The following BPIFB2 variants were observed in gnomAD, a reference collection of about 807,000 sequenced individuals.
BPIFB2 encodes the protein BPI fold-containing family B member 2.
Under a neutral mutation model 50.1 loss-of-function variants are expected in BPIFB2, and 39 were observed. The ratio of observed to expected loss-of-function variants is 0.78; its 90% CI spans 0.60 to 1.02. The LOEUF is 1.02. Ranked by LOEUF, BPIFB2 falls within the 50% of genes least tolerant of loss-of-function variation. The probability of loss-of-function intolerance (pLI) is 0.00; values close to 1 mark genes in which losing one functional copy is unlikely to be tolerated. For missense variants in BPIFB2, 574 were observed against 585.8 expected, an observed-to-expected ratio of 0.98 and a Z score of 0.21; for synonymous variants, 280 against 256.3, an observed-to-expected ratio of 1.09 and a Z score of -0.88.
chr20:33,011,570 G>C (rs975423241), intron 3 of BPIFB2, among the ~76,000 whole-genome samples: 1 of 152,214 alleles, frequency 6.6e-6, no homozygotes, highest in Non-Finnish European at 1.5e-5. Context: ...CCCTGGGCTG[G>C]TCAACAGTCA....
At chr20:33,020,464 G>A in intron 12 of BPIFB2, 69 bp downstream of exon 12, 1 of 1,599,506 alleles carries the variant, frequency 6.3e-7, no homozygotes, top group Non-Finnish European at 8.6e-7. Flanking sequence ...TCACCACCCT[G>A]GGTCACGGTG....
intron 9 of BPIFB2, 76 bp downstream of exon 9, chr20:33,018,898 G>C: frequency 1.3e-6 from 2 of 1,572,800 alleles, no homozygotes; most frequent in Non-Finnish European, 1.7e-6. Context: ...ACCTCCCAGA[G>C]GCCAAATCAT....
chr20:33,019,626 G>A lies in BPIFB2; in HGVS notation c.956G>A (p.Arg319Gln), dbSNP rs746477434. 3.7e-6 allele frequency: 6 copies of A among 1,610,412 alleles called. No individual in the cohort carries two copies. The highest frequency in any genetic ancestry group is 1.1e-5 in the South Asian group (1 of 90,578). The change falls in exon 11 of 16, where the codon CGG (arginine) becomes CAG (glutamine). Residue 319 changes from arginine (R) to glutamine (Q), a missense_variant. Transcript: ENST00000170150. ...CCCATGCCTGTGGTGCTCAAGGTGC[G>A]GCTGGGTGCCACACCTGTGGCCATG... Reference protein sequence around the residue: ...PEPMPVVLKVRLGATPVAMLH... With the variant: ...PEPMPVVLKVQLGATPVAMLH...
At chr20:33,015,616 C>T (rs761682635) in intron 6 of BPIFB2, 120 bp downstream of exon 6, 19 of 837,702 alleles carry the variant, frequency 2.3e-5, no homozygotes, top group Middle Eastern at 3.4e-4. Flanking sequence ...AAAAAAAAGA[C>T]GCCCCTTCAT....
At chr20:33,021,206 T>C in intron 13 of BPIFB2, 75 bp from the exon 14 acceptor site, 3 of 1,472,302 alleles carry the variant, frequency 2.0e-6, no homozygotes, top group Non-Finnish European at 2.8e-6. Flanking sequence ...TGTATATTTA[T>C]GTATGTGCCT....
At chr20:33,019,978 C>T (rs577685397) in intron 11 of BPIFB2, among the ~76,000 whole-genome samples, 1 of 152,354 alleles carries the variant, frequency 6.6e-6, no homozygotes, top group Admixed American at 6.5e-5. Context: ...CAGGCCTCAG[C>T]TTAAATGTTG....
chr20:33,014,241 G>A (rs1990327058), intron 5 of BPIFB2, among the ~76,000 whole-genome samples: 1 of 152,186 alleles, frequency 6.6e-6, no homozygotes, highest in Non-Finnish European at 1.5e-5. Context: ...GGGATTTTGG[G>A]TGGATCAGAC....
intron 3 of BPIFB2, 29 bp from the exon 4 acceptor site, chr20:33,012,774 A>T: frequency 6.4e-7 from 1 of 1,562,180 alleles, no homozygotes; most frequent in Non-Finnish European, 8.8e-7. Flanking sequence ...AATGGGGGCC[A>T]CTCTGTCACC....
Position 33,021,374 on chromosome 20 carries a change from C to T in BPIFB2, c.1258+30C>T, listed in dbSNP as rs755757078. ...GCCCTGCCCTCCACCCCAGCAGGGC[C>T]CCTCTGGCCCCCTCCATATCCCACA... On this transcript the variant is annotated intron_variant, in intron 14 of 15. Transcript: ENST00000170150. 68 of 1,584,848 alleles carry T rather than the reference C, an allele frequency of 4.3e-5. No individual in the cohort carries two copies. The Middle Eastern group carries it at 8.3e-4, about 19-fold the overall frequency.
Position 33,018,668 on chromosome 20 carries a change from T to A in BPIFB2, c.701T>A (p.Ile234Asn). The A allele has an allele frequency of 6.2e-7, 1 of 1,613,904 alleles. No homozygotes were observed. Among genetic ancestry groups the A allele is most frequent in the Non-Finnish European group, 8.5e-7 (1 of 1,179,904 alleles). ...CTCTTCCTGCTGGGCAAGCCCATCA[T>A]CCTGCCCACGGATGCCACCCCTTTT... ...AVLFLLGKPI[I>N]LPTDATPFVL... Residue 234 changes from isoleucine (I) to asparagine (N), a missense_variant, in exon 9 of 16, where the codon ATC (isoleucine) becomes AAC (asparagine). Coordinates refer to ENST00000170150, the MANE Select transcript of BPIFB2 (RefSeq NM_025227.3).
At chr20:33,012,716 G>C in intron 3 of BPIFB2, 87 bp from the exon 4 acceptor site, 2 of 1,003,600 alleles carry the variant, frequency 2.0e-6, no homozygotes, top group Non-Finnish European at 1.6e-6. Context: ...TTATAACATC[G>C]TGTGGGTATG....
In BPIFB2 at chr20:33,013,024, C is replaced by T. The variant is rs1990310827; in HGVS notation, c.308+117C>T. 6 of 777,322 alleles carry T rather than the reference C, an allele frequency of 7.7e-6. No homozygotes were observed. The South Asian group carries it at 9.6e-5, about 13-fold the overall frequency. 48.2% of individuals were successfully genotyped at this position (777,322 alleles called of 1,614,324 possible). A position where few individuals can be genotyped will look rare whatever the true frequency, so the allele number is the denominator to read the frequency against. Reference sequence around the variant, plus strand: ...GCCCTCATCCAGGCCTCTTGACTCTCTGTCCAGTTGCTCTCTCTCCCCTCA... The same window carrying T: ...GCCCTCATCCAGGCCTCTTGACTCTTTGTCCAGTTGCTCTCTCTCCCCTCA... On this transcript the variant is annotated intron_variant, in intron 4 of 15. Coordinates refer to ENST00000170150, the MANE Select transcript of BPIFB2 (RefSeq NM_025227.3).
chr20:33,016,633 T>A (rs758809278), intron 6 of BPIFB2, among the ~76,000 whole-genome samples: 1 of 152,230 alleles, frequency 6.6e-6, no homozygotes, highest in Non-Finnish European at 1.5e-5. Context: ...CATCTGAAGC[T>A]TGGCCTGGTC....
chr20:33,012,754 C>T (rs1360731041), intron 3 of BPIFB2, 49 bp from the exon 4 acceptor site: 1 of 1,462,852 alleles, frequency 6.8e-7, no homozygotes, highest in East Asian at 2.3e-5. Context: ...CAGAGTTGAT[C>T]CCATGGTTTA....
chr20:33,017,371 G>A (rs1978474088), intron 7 of BPIFB2, among the ~76,000 whole-genome samples: 1 of 152,202 alleles, frequency 6.6e-6, no homozygotes, highest in African/African-American at 2.4e-5. Flanking sequence ...GAAATCATGA[G>A]TCTTAACATT....
At chr20:33,018,894 C>T (rs1978543266) in intron 9 of BPIFB2, 72 bp downstream of exon 9, 2 of 1,572,822 alleles carry the variant, frequency 1.3e-6, no homozygotes, top group African/African-American at 2.7e-5. Context: ...GGAGACCTCC[C>T]AGAGGCCAAA....
intron 9 of BPIFB2, 42 bp downstream of exon 9, chr20:33,018,864 C>A: frequency 6.3e-7 from 1 of 1,588,242 alleles, no homozygotes. Context: ...GGGGCAAGAG[C>A]TCCCTGTGGC....
intron 6 of BPIFB2, 45 bp downstream of exon 6, chr20:33,015,541 C>T (rs899455134): frequency 6.6e-6 from 10 of 1,506,716 alleles, no homozygotes; most frequent in South Asian, 4.6e-5. Context: ...ATGGCTTCAC[C>T]GAGAAGGCAC....
intron 7 of BPIFB2, among the ~76,000 whole-genome samples, chr20:33,017,786 G>A (rs753659479): frequency 6.6e-6 from 1 of 152,210 alleles, no homozygotes; most frequent in Non-Finnish European, 1.5e-5. Context: ...GTGTGCGTAC[G>A]TGTGAGTGTG....
Sources: allele counts gnomAD v4.1 joint callset (sites outside exome capture counted in the v4.1 genomes callset), GRCh38; gene constraint gnomAD v4.1.1; transcripts MANE v1.5; gene names NCBI Gene and HGNC (gene_info 2026-07-23, HGNC 2026-07-21).